Variants in FCHSD2 observed in about 807,000 individuals in gnomAD.
FCHSD2 encodes FCH and double SH3 domains 2.
Under a neutral mutation model 108.1 loss-of-function variants are expected in FCHSD2, and 38 were observed. The observed-to-expected ratio is 0.35, with a 90% confidence interval of 0.27 to 0.46. The LOEUF (loss-of-function observed/expected upper bound fraction) is 0.46. Among genes scored for constraint, FCHSD2 ranks in the 20% least tolerant of loss-of-function variants. The pLI, the probability that FCHSD2 is intolerant of heterozygous loss-of-function variation, is 1.00. For synonymous variants in FCHSD2, 279 were observed against 314.7 expected (o/e 0.89, Z 1.20); for missense variants, 751 against 897.8 (o/e 0.84, Z 2.09).
intron 3 of FCHSD2, among the ~76,000 whole-genome samples, chr11:73,045,018 C>T (rs1043792447): frequency 2.0e-5 from 3 of 149,724 alleles, no homozygotes; most frequent in Non-Finnish European, 4.4e-5. Context: ...TGCAGTGAGC[C>T]GAGATCGCTC....
intron 8 of FCHSD2, among the ~76,000 whole-genome samples, chr11:72,932,804 T>C (rs1856221293): frequency 6.6e-6 from 1 of 152,196 alleles, no homozygotes; most frequent in Non-Finnish European, 1.5e-5. Context: ...ATCTTCTGTG[T>C]TGAGCATAGG....
chr11:73,107,155 C>T (rs765205334), intron 2 of FCHSD2, among the ~76,000 whole-genome samples: 26 of 152,076 alleles, frequency 1.7e-4, no homozygotes, highest in Admixed American at 7.2e-4. Context: ...CAAGACTCTC[C>T]GCAATTCTTG....
chr11:73,017,355 C>A (rs1299457973), intron 3 of FCHSD2, among the ~76,000 whole-genome samples: 1 of 152,232 alleles, frequency 6.6e-6, no homozygotes, highest in South Asian at 2.1e-4. Context: ...TTATAGAAAT[C>A]ATTAACATTG....
intron 8 of FCHSD2, among the ~76,000 whole-genome samples, chr11:72,936,355 A>T (rs1394193231): frequency 6.6e-6 from 1 of 152,234 alleles, no homozygotes; most frequent in African/African-American, 2.4e-5. Context: ...AAAATAATTT[A>T]AAAATAGTAT....
At chr11:72,968,609 A>G (rs2135381860) in intron 8 of FCHSD2, among the ~76,000 whole-genome samples, 1 of 152,350 alleles carries the variant, frequency 6.6e-6, no homozygotes, top group South Asian at 2.1e-4. Flanking sequence ...ATAAATTACA[A>G]TATCCATAAA....
At chr11:72,868,109 C>G (rs1223639927) in intron 12 of FCHSD2, 83 bp from the exon 13 acceptor site, 1 of 1,266,624 alleles carries the variant, frequency 7.9e-7, no homozygotes, top group Non-Finnish European at 1.1e-6. Flanking sequence ...AAATGCCCAT[C>G]AATGATCGAC....
chr11:72,970,368 C>G (rs758342993), intron 8 of FCHSD2, among the ~76,000 whole-genome samples: 1 of 152,120 alleles, frequency 6.6e-6, no homozygotes, highest in Non-Finnish European at 1.5e-5. Context: ...TGTCTTTTAT[C>G]TAAAAGCCCT....
intron 2 of FCHSD2, among the ~76,000 whole-genome samples, chr11:73,091,356 T>A (rs1199393495): frequency 2.0e-5 from 3 of 151,956 alleles, no homozygotes. Flanking sequence ...CTGGCCAACA[T>A]GGTGAAACCC....
At chr11:72,936,933 G>A (rs548276498) in intron 8 of FCHSD2, among the ~76,000 whole-genome samples, 1 of 152,244 alleles carries the variant, frequency 6.6e-6, no homozygotes, top group East Asian at 1.9e-4. Flanking sequence ...GACTTCCTTG[G>A]AGACAGTTTC....
intron 3 of FCHSD2, among the ~76,000 whole-genome samples, chr11:73,076,834 G>A (rs186929867): frequency 1.1e-4 from 17 of 152,234 alleles, no homozygotes; most frequent in East Asian, 3.9e-4. Context: ...TGCTAGGCCC[G>A]GCGCAGTGCC....
chr11:73,086,176 A>T (rs1209640241), intron 2 of FCHSD2, among the ~76,000 whole-genome samples: 1 of 152,178 alleles, frequency 6.6e-6, no homozygotes. Context: ...TGAGAGATAG[A>T]GGTGGGTGGA....
At chr11:73,054,781 T>TC (rs1257787608) in intron 3 of FCHSD2, among the ~76,000 whole-genome samples, 5 of 151,404 alleles carry the variant, frequency 3.3e-5, no homozygotes, top group South Asian at 2.1e-4. Context: ...TCTTAAGTGA[T>TC]CCCCCCCACC....
chr11:73,134,934 T>G (rs1168468189), intron 2 of FCHSD2, among the ~76,000 whole-genome samples: 1 of 152,150 alleles, frequency 6.6e-6, no homozygotes, highest in Non-Finnish European at 1.5e-5. Context: ...AACCTCCACC[T>G]CCCAGGTTCA....
intron 5 of FCHSD2, among the ~76,000 whole-genome samples, chr11:72,994,533 G>C (rs1258112244): frequency 6.6e-6 from 1 of 152,088 alleles, no homozygotes; most frequent in Admixed American, 6.5e-5. Context: ...ATTAAAGTGT[G>C]TACCCTAGTT....
chr11:72,912,457 A>G (rs569351360), intron 9 of FCHSD2, among the ~76,000 whole-genome samples: 1 of 152,198 alleles, frequency 6.6e-6, no homozygotes, highest in Non-Finnish European at 1.5e-5. Context: ...CCATCCCTGC[A>G]TTCTTGGGAT....
chr11:72,968,604 T>G (rs1021574498), intron 8 of FCHSD2, among the ~76,000 whole-genome samples: 3 of 152,224 alleles, frequency 2.0e-5, no homozygotes, highest in Non-Finnish European at 4.4e-5. Flanking sequence ...AGATGATAAA[T>G]TACAATATCC....
chr11:73,099,115 C>T (rs1420710815), intron 2 of FCHSD2, among the ~76,000 whole-genome samples: 1 of 152,076 alleles, frequency 6.6e-6, no homozygotes, highest in Non-Finnish European at 1.5e-5. Flanking sequence ...ACTCAGGAGG[C>T]TGAGGTAGAA....
At chr11:73,032,990 T>G (rs1343879501) in intron 3 of FCHSD2, among the ~76,000 whole-genome samples, 1 of 152,038 alleles carries the variant, frequency 6.6e-6, no homozygotes, top group Non-Finnish European at 1.5e-5. Flanking sequence ...GAAACATGGA[T>G]TAAGAGTACT....
chr11:73,035,716 A>G (rs1259812679), intron 3 of FCHSD2, among the ~76,000 whole-genome samples: 2 of 150,234 alleles, frequency 1.3e-5, no homozygotes, highest in East Asian at 3.9e-4. Context: ...TTATTTATTT[A>G]TTTATTTATT....
Sources: allele counts gnomAD v4.1 joint callset (sites outside exome capture counted in the v4.1 genomes callset), GRCh38; gene constraint gnomAD v4.1.1; transcripts MANE v1.5; gene names NCBI Gene and HGNC (gene_info 2026-07-23, HGNC 2026-07-21).